OPCML: variants seen among roughly 807,000 people sequenced by gnomAD.
OPCML encodes opioid binding protein/cell adhesion molecule like, also known as opioid-binding protein/cell adhesion molecule.
OPCML carries 13 observed loss-of-function variants against 37.8 expected under a neutral mutation model. That is an observed-to-expected ratio of 0.34 (90% CI 0.22 to 0.55). The LOEUF is 0.55. OPCML is among the 20% of genes least tolerant of loss of function. The pLI is 0.91. For synonymous variants in OPCML, 176 were observed against 168.8 expected (o/e 1.04, Z -0.33); for missense variants, 341 against 435.6 (o/e 0.78, Z 1.93).
intron 1 of OPCML, among the ~76,000 whole-genome samples, chr11:132,966,888 A>T (rs1448836950): frequency 1.3e-5 from 2 of 152,010 alleles, no homozygotes; most frequent in Non-Finnish European, 2.9e-5. Flanking sequence ...TTTGCATGGA[A>T]TATATATTTT....
At chr11:133,105,666 C>G (rs944454231) in intron 1 of OPCML, among the ~76,000 whole-genome samples, 7 of 152,084 alleles carry the variant, frequency 4.6e-5, no homozygotes, top group Admixed American at 4.6e-4. Context: ...TTAGCCAGGG[C>G]AACTGAAATT....
chr11:133,435,033 A>T (rs1316148011), intron 1 of OPCML, among the ~76,000 whole-genome samples: 2 of 151,956 alleles, frequency 1.3e-5, no homozygotes, highest in Non-Finnish European at 2.9e-5. Flanking sequence ...AAAATTGTTC[A>T]AGTGAGAGAT....
At chr11:133,012,871 A>C (rs1947246878) in intron 1 of OPCML, among the ~76,000 whole-genome samples, 1 of 36,830 alleles carries the variant, frequency 2.7e-5, no homozygotes, top group African/African-American at 8.3e-5. Context: ...ACTCCATCTC[A>C]AAAAAAAAAA....
At chr11:133,432,493 T>G (rs7124291) in intron 1 of OPCML, among the ~76,000 whole-genome samples, 9 of 152,102 alleles carry the variant, frequency 5.9e-5, no homozygotes, top group Non-Finnish European at 1.3e-4. Flanking sequence ...CTCCTGCCTT[T>G]GCCTCCCAAG....
At chr11:132,682,740 A>G (rs1159446237) in intron 2 of OPCML, among the ~76,000 whole-genome samples, 1 of 152,192 alleles carries the variant, frequency 6.6e-6, no homozygotes, top group Non-Finnish European at 1.5e-5. Context: ...AGCCATGAGT[A>G]AAAGTTGATC....
intron 1 of OPCML, among the ~76,000 whole-genome samples, chr11:132,989,612 TG>T (rs1286503484): frequency 2.3e-5 from 2 of 86,522 alleles, no homozygotes; most frequent in African/African-American, 1.0e-4. Flanking sequence ...CGTGTGTGTG[TG>T]TGTGTGTGTG....
At chr11:133,229,074 C>A (rs917439918) in intron 1 of OPCML, among the ~76,000 whole-genome samples, 11 of 152,134 alleles carry the variant, frequency 7.2e-5, no homozygotes, top group Non-Finnish European at 4.4e-5. Flanking sequence ...GCAGGCCCAG[C>A]ACAGAAGCAG....
intron 4 of OPCML, among the ~76,000 whole-genome samples, chr11:132,519,379 G>T (rs80153054): frequency 6.6e-6 from 1 of 152,016 alleles, no homozygotes; most frequent in Non-Finnish European, 1.5e-5. Flanking sequence ...CTTGCTGAAG[G>T]CATCCCTCTG....
intron 1 of OPCML, among the ~76,000 whole-genome samples, chr11:133,270,258 C>T (rs1163137769): frequency 6.6e-6 from 1 of 152,208 alleles, no homozygotes; most frequent in African/African-American, 2.4e-5. Context: ...GTTCTTGATA[C>T]ACTGCAAAAT....
At chr11:133,166,577 G>T (rs1186390086) in intron 1 of OPCML, among the ~76,000 whole-genome samples, 2 of 152,188 alleles carry the variant, frequency 1.3e-5, no homozygotes, top group African/African-American at 4.8e-5. Context: ...GAGTAGAGAT[G>T]GGGATGACAG....
intron 1 of OPCML, among the ~76,000 whole-genome samples, chr11:133,344,383 G>T (rs973042870): frequency 2.0e-5 from 3 of 152,062 alleles, no homozygotes; most frequent in Non-Finnish European, 4.4e-5. Flanking sequence ...ACCTACTCTT[G>T]GCTACCTAAT....
intron 2 of OPCML, among the ~76,000 whole-genome samples, chr11:132,679,951 GA>G (rs1942868119): frequency 6.6e-6 from 1 of 152,178 alleles, no homozygotes; most frequent in Non-Finnish European, 1.5e-5. Flanking sequence ...CATTCTCAAA[GA>G]AGGACTTTTT....
At chr11:133,399,094 A>T (rs1208210053) in intron 1 of OPCML, among the ~76,000 whole-genome samples, 1 of 152,156 alleles carries the variant, frequency 6.6e-6, no homozygotes, top group Non-Finnish European at 1.5e-5. Context: ...TCCCTTTCTT[A>T]TCTGAAATAA....
At chr11:133,257,049 T>G (rs1941333176) in intron 1 of OPCML, among the ~76,000 whole-genome samples, 1 of 152,226 alleles carries the variant, frequency 6.6e-6, no homozygotes, top group Non-Finnish European at 1.5e-5. Flanking sequence ...AATCTTAGGT[T>G]ACCAACAATT....
At chr11:132,493,099 C>T (rs1057028515) in intron 4 of OPCML, among the ~76,000 whole-genome samples, 2 of 152,188 alleles carry the variant, frequency 1.3e-5, no homozygotes, top group African/African-American at 4.8e-5. Flanking sequence ...GTAAATATTT[C>T]ATGTCCGTCT....
chr11:133,244,317 T>G (rs1419445167), intron 1 of OPCML, among the ~76,000 whole-genome samples: 1 of 152,006 alleles, frequency 6.6e-6, no homozygotes, highest in African/African-American at 2.4e-5. Context: ...TGAGGTAGGA[T>G]TGAAGGAGAT....
intron 1 of OPCML, among the ~76,000 whole-genome samples, chr11:133,274,009 C>T (rs1941922824): frequency 6.6e-6 from 1 of 152,140 alleles, no homozygotes; most frequent in Admixed American, 6.5e-5. Context: ...AATATATAAA[C>T]ATATTTGCAC....
intron 1 of OPCML, among the ~76,000 whole-genome samples, chr11:133,378,802 A>G (rs1038420487): frequency 4.0e-5 from 6 of 151,820 alleles, no homozygotes; most frequent in African/African-American, 1.5e-4. Flanking sequence ...ATGCAATCAG[A>G]GGTCATTGCA....
rs564982365 is a variant in OPCML, at chr11:133,306,979, C to T, written c.61+225285G>A. ...GTGGTTAGTAGATAACCCTGTACCA[C>T]GAATGTAGTGGATAAGTTATGACAT... On this transcript the variant is annotated intron_variant, in intron 1 of 7. Transcript: ENST00000524381. Among the ~76,000 whole-genome samples, 13 of 152,180 alleles carry T rather than the reference C, an allele frequency of 8.5e-5. No individual in the cohort carries two copies. The South Asian group carries it at 2.5e-3, about 29-fold the overall frequency.
Sources: gnomAD v4.1 joint callset for allele counts (sites outside exome capture counted in the v4.1 genomes callset) on GRCh38, gnomAD v4.1.1 for gene constraint, MANE v1.5 for transcripts, NCBI Gene and HGNC (gene_info 2026-07-23, HGNC 2026-07-21) for gene names.